The following WWC1 variants were observed in gnomAD, a reference collection of about 807,000 sequenced individuals.
The protein encoded by WWC1 is WW and C2 domain containing 1, also known as protein KIBRA.
WWC1 carries 55 observed loss-of-function variants against 138.4 expected under a neutral mutation model. The observed-to-expected ratio is 0.40, with a 90% confidence interval of 0.32 to 0.50. The LOEUF (loss-of-function observed/expected upper bound fraction) is 0.50. WWC1 is among the 20% of genes least tolerant of loss of function. The probability of loss-of-function intolerance (pLI) is 0.72; values close to 1 mark genes in which losing one functional copy is unlikely to be tolerated. For missense variants in WWC1, 1,226 were observed against 1,420.4 expected (o/e 0.86, Z 2.20); for synonymous variants, 524 against 564.9 (o/e 0.93, Z 1.03).
At chr5:168,435,212 C>G (rs1215989044) in intron 15 of WWC1, among the ~76,000 whole-genome samples, 1 of 152,106 alleles carries the variant, frequency 6.6e-6, no homozygotes, top group African/African-American at 2.4e-5. Context: ...TCTGGCTGTT[C>G]TTGTAGGTTC....
In WWC1 at chr5:168,408,554, C is replaced by T. The variant is rs768423859; in HGVS notation, c.768C>T (p.His256=). 3.1e-6 allele frequency: 5 copies of T among 1,614,102 alleles called. No homozygotes were observed. Among genetic ancestry groups the T allele is most frequent in the South Asian group, 1.1e-5 (1 of 91,086 alleles). Residue 256 remains histidine (H), a synonymous_variant, in exon 7 of 23, where the codon CAC becomes CAT. Coordinates refer to ENST00000265293, the MANE Select transcript of WWC1 (RefSeq NM_015238.3). Reference sequence around the variant, plus strand: ...GCTTCCGCACTGACAGGGGGTCTCACTCAGACCTGTGGTCCAGCAGCAGCT... The same window carrying T: ...GCTTCCGCACTGACAGGGGGTCTCATTCAGACCTGTGGTCCAGCAGCAGCT... The part of the protein sequence containing the change: ...KDGFRTDRGS[H]SDLWSSSSSL...
At chr5:168,328,260 T>C (rs1194885169) in intron 1 of WWC1, among the ~76,000 whole-genome samples, 1 of 152,158 alleles carries the variant, frequency 6.6e-6, no homozygotes, top group East Asian at 1.9e-4. Context: ...AGCGAGCTAA[T>C]CAGGTAAAGA....
intron 16 of WWC1, 145 bp downstream of exon 16, chr5:168,441,979 A>C: frequency 8.1e-7 from 1 of 1,230,154 alleles, no homozygotes; most frequent in Non-Finnish European, 1.1e-6. Context: ...ACAGGGAAGG[A>C]GAGATCTCCA....
chr5:168,418,339 C>T (rs530924067), intron 9 of WWC1, among the ~76,000 whole-genome samples: 4 of 152,288 alleles, frequency 2.6e-5, no homozygotes, highest in Admixed American at 2.0e-4. Context: ...TACTTGCTAG[C>T]GCACAGGCTC....
chr5:168,401,384 G>A (rs113139860), intron 5 of WWC1, among the ~76,000 whole-genome samples: 567 of 152,206 alleles, frequency 3.7e-3, no homozygotes, highest in Middle Eastern at 6.8e-3. Context: ...GCTGTTTCTC[G>A]CTTTTTGTCC....
chr5:168,457,089 A>C (rs954637511), intron 19 of WWC1, among the ~76,000 whole-genome samples: 14 of 151,338 alleles, frequency 9.3e-5, no homozygotes, highest in African/African-American at 3.2e-4. Context: ...CAAAATCACA[A>C]ATTAAGAGAT....
At chr5:168,318,547 T>C (rs1244861090) in intron 1 of WWC1, among the ~76,000 whole-genome samples, 1 of 151,404 alleles carries the variant, frequency 6.6e-6, no homozygotes, top group African/African-American at 2.4e-5. Context: ...TTTGTCATTT[T>C]TTGTGACTGG....
intron 1 of WWC1, among the ~76,000 whole-genome samples, chr5:168,320,149 C>G (rs1007421852): frequency 6.6e-6 from 1 of 152,040 alleles, no homozygotes. Context: ...ATTTTCCTGC[C>G]TCAGCCTCCC....
intron 3 of WWC1, among the ~76,000 whole-genome samples, chr5:168,396,131 C>G (rs111247415): frequency 0.12 from 17,949 of 151,624 alleles, 1,053 homozygotes; most frequent in Middle Eastern, 0.14. Flanking sequence ...CGCCTGTAAT[C>G]CCAGCACTTT....
chr5:168,401,733 A>G (rs1779328611), intron 5 of WWC1, among the ~76,000 whole-genome samples: 1 of 152,216 alleles, frequency 6.6e-6, no homozygotes, highest in Non-Finnish European at 1.5e-5. Context: ...TGTTATTTAT[A>G]TATGTGTGTA....
intron 2 of WWC1, among the ~76,000 whole-genome samples, chr5:168,372,541 C>G (rs1247752385): frequency 1.3e-5 from 2 of 152,216 alleles, no homozygotes; most frequent in Admixed American, 6.5e-5. Flanking sequence ...TGTGCCGTGT[C>G]CTGTGCTGAG....
intron 21 of WWC1, 87 bp downstream of exon 21, chr5:168,465,049 C>T (rs1387633170): frequency 6.7e-7 from 1 of 1,501,238 alleles, no homozygotes; most frequent in Non-Finnish European, 8.9e-7. Context: ...GGCCAGAGCT[C>T]ATGATGCATC....
intron 17 of WWC1, among the ~76,000 whole-genome samples, chr5:168,451,838 T>G (rs1755846329): frequency 6.6e-6 from 1 of 151,704 alleles, no homozygotes; most frequent in African/African-American, 2.4e-5. Context: ...ACTAGAACTC[T>G]TAGAACATTG....
intron 9 of WWC1, 95 bp downstream of exon 9, chr5:168,414,685 C>G (rs1780471245): frequency 6.9e-7 from 1 of 1,442,046 alleles, no homozygotes; most frequent in African/African-American, 1.4e-5. Context: ...GCTCCGGGCC[C>G]CTGGGCTCCA....
intron 11 of WWC1, among the ~76,000 whole-genome samples, chr5:168,425,041 C>T (rs1193739288): frequency 6.6e-6 from 1 of 152,140 alleles, no homozygotes; most frequent in Non-Finnish European, 1.5e-5. Flanking sequence ...GGGTAATGTG[C>T]TTGATACATG....
chr5:168,295,483 CGT>C lies in WWC1; in HGVS notation c.119+3247_119+3248del, dbSNP rs3138761. ...AAAATTGCACTAAAAATTTCTACTC[CGT>C]GTGTGTGTGTGTGTGTGTGTGTGTG... is the stretch of plus-strand genomic sequence containing the variant. On this transcript the variant is annotated intron_variant, in intron 1 of 22. Transcript: ENST00000265293. Among the ~76,000 whole-genome samples the C allele has an allele frequency of 6.5e-3, 927 of 142,418 alleles. 9 individuals carry two copies. Among genetic ancestry groups the C allele is most frequent in the South Asian group, 0.016 (66 of 4,252 alleles). 93.4% of individuals were successfully genotyped at this position (142,418 alleles called of 152,430 possible).
At chr5:168,405,699 A>G (rs1405434514) in intron 5 of WWC1, among the ~76,000 whole-genome samples, 3 of 139,526 alleles carry the variant, frequency 2.2e-5, no homozygotes, top group Non-Finnish European at 3.1e-5. Flanking sequence ...GGGACTTTCT[A>G]TGCCTTTTTT....
intron 1 of WWC1, among the ~76,000 whole-genome samples, chr5:168,315,441 C>T (rs1334213102): frequency 3.3e-5 from 5 of 151,948 alleles, no homozygotes; most frequent in Admixed American, 6.6e-5. Context: ...ACCGTGTGCC[C>T]GCTGCGCTCT....
intron 1 of WWC1, among the ~76,000 whole-genome samples, chr5:168,307,259 A>C (rs11750742): frequency 0.65 from 98,228 of 152,084 alleles, 31,968 homozygotes; most frequent in Middle Eastern, 0.75. Context: ...GACATGCAAA[A>C]CCAGTCTGTC....
Sources: gnomAD v4.1 joint callset for allele counts (sites outside exome capture counted in the v4.1 genomes callset) on GRCh38, gnomAD v4.1.1 for gene constraint, MANE v1.5 for transcripts, NCBI Gene and HGNC (gene_info 2026-07-23, HGNC 2026-07-21) for gene names.